The following PRKDC variants were observed in gnomAD, a reference collection of about 807,000 sequenced individuals.
PRKDC encodes the protein protein kinase, DNA-activated, catalytic subunit.
PRKDC carries 82 observed loss-of-function variants against 486.9 expected under a neutral mutation model. That is an observed-to-expected ratio of 0.17 (90% CI 0.14 to 0.20). The LOEUF is 0.20. Among genes scored for constraint, PRKDC ranks in the 10% least tolerant of loss-of-function variants. The pLI is 1.00. For missense variants in PRKDC, 4,504 were observed against 5,038.2 expected, an observed-to-expected ratio of 0.89 and a Z score of 3.21; for synonymous variants, 1,895 against 1,837.0, an observed-to-expected ratio of 1.03 and a Z score of -0.81.
At chr8:47,951,153 G>A (rs930851973) in intron 7 of PRKDC, among the ~76,000 whole-genome samples, 1 of 150,938 alleles carries the variant, frequency 6.6e-6, no homozygotes, top group South Asian at 2.1e-4. Context: ...CAGATCTCTT[G>A]GTTGGAGACC....
Position 47,773,937 on chromosome 8 carries a change from A to G in PRKDC, c.*236T>C, listed in dbSNP as rs1465167415. The G allele has an allele frequency of 2.3e-6, 1 of 436,676 alleles. No homozygotes were observed. Among genetic ancestry groups the G allele is most frequent in the Non-Finnish European group, 4.0e-6 (1 of 247,466 alleles). The allele number at this position is 436,676 out of a possible 1,614,324, so 27.1% of individuals were successfully genotyped here. ...ACTTAATACTTTGGTAAGCCTGGAT[A>G]TCTATCTTTCTATAAACCTCACCTA... On this transcript the variant is annotated 3_prime_UTR_variant, in exon 86 of 86. Coordinates refer to ENST00000314191, the MANE Select transcript of PRKDC (RefSeq NM_006904.7).
intron 77 of PRKDC, among the ~76,000 whole-genome samples, chr8:47,784,792 A>G (rs2086763202): frequency 6.6e-6 from 1 of 152,094 alleles, no homozygotes; most frequent in Non-Finnish European, 1.5e-5. Context: ...TATATTTCTG[A>G]AGAAAAGTTA....
chr8:47,780,706 A>G (rs762440850), intron 80 of PRKDC, among the ~76,000 whole-genome samples: 1 of 152,162 alleles, frequency 6.6e-6, no homozygotes, highest in Non-Finnish European at 1.5e-5. Context: ...TTAGGAGGCC[A>G]ATGGGGGCGG....
chr8:47,875,240 T>A (rs2089066517), intron 40 of PRKDC, among the ~76,000 whole-genome samples: 1 of 152,254 alleles, frequency 6.6e-6, no homozygotes, highest in Admixed American at 6.5e-5. Flanking sequence ...GCTGGCCTAA[T>A]ATTTTTCGTA....
chr8:47,868,431 G>A (rs555537499), intron 40 of PRKDC, among the ~76,000 whole-genome samples: 15 of 151,980 alleles, frequency 9.9e-5, no homozygotes, highest in South Asian at 4.2e-4. Flanking sequence ...AAGGCTGGGC[G>A]TGATAGCATG....
At chr8:47,955,026 T>C (rs2090679116) in intron 4 of PRKDC, among the ~76,000 whole-genome samples, 1 of 151,754 alleles carries the variant, frequency 6.6e-6, no homozygotes, top group Non-Finnish European at 1.5e-5. Context: ...TGGTGGCACA[T>C]GCCTGTAATC....
intron 74 of PRKDC, among the ~76,000 whole-genome samples, chr8:47,791,472 C>T (rs139737406): frequency 0.011 from 1,622 of 152,122 alleles, 7 homozygotes; most frequent in Non-Finnish European, 0.016. Context: ...AATACACCGC[C>T]TCAAAAACAA....
At chr8:47,927,668 G>A in intron 20 of PRKDC, 103 bp downstream of exon 20, 2 of 1,357,676 alleles carry the variant, frequency 1.5e-6, no homozygotes, top group Non-Finnish European at 1.9e-6. Context: ...ACGCCTGTGA[G>A]GAAACGCCTG....
intron 61 of PRKDC, among the ~76,000 whole-genome samples, chr8:47,829,812 C>G (rs1330095335): frequency 1.3e-5 from 2 of 152,128 alleles, no homozygotes; most frequent in African/African-American, 2.4e-5. Flanking sequence ...TCCATATTCA[C>G]GGATTAGAAG....
intron 69 of PRKDC, among the ~76,000 whole-genome samples, chr8:47,803,911 C>G (rs2087161314): frequency 6.8e-6 from 1 of 147,892 alleles, no homozygotes; most frequent in Non-Finnish European, 1.5e-5. Context: ...TGTACTCCAG[C>G]CTGGGCAACA....
Position 47,782,535 on chromosome 8 carries a change from C to T in PRKDC, c.11239G>A (p.Glu3747Lys), listed in dbSNP as rs1339421642. The change falls in exon 79 of 86, where the codon GAA becomes AAA. Residue 3747 changes from glutamate to lysine, a missense_variant. Glu to Lys is a moderately conservative substitution (Grantham distance 56). This residue lies in a region of PRKDC where 706 missense variants were observed against 945.0 expected (regional missense o/e 0.75). Transcript: ENST00000314191. This position sits in a 1 kb window ranked among gnomAD's most constrained non-coding sequence, Gnocchi z 4.9. Reference protein sequence around the residue: ...RIIIRGHDEREHPFLVKGGED... With the variant: ...RIIIRGHDERKHPFLVKGGED... ...CCACCCTTCACCAGGAAAGGGTGTT[C>T]CCTCTCGTCATGGCCACGGATGATG... 1 of 1,575,134 alleles carries T rather than the reference C, an allele frequency of 6.3e-7. No individual in the cohort carries two copies.
chr8:47,849,056 C>G, intron 54 of PRKDC, 98 bp downstream of exon 54: 1 of 1,441,482 alleles, frequency 6.9e-7, no homozygotes, highest in Non-Finnish European at 9.4e-7. Flanking sequence ...ATGTGTATAT[C>G]ATGGAAACCC....
intron 40 of PRKDC, among the ~76,000 whole-genome samples, chr8:47,870,534 G>A (rs1474459511): frequency 1.3e-5 from 2 of 152,210 alleles, no homozygotes; most frequent in African/African-American, 2.4e-5. Context: ...CCCTAAAGCA[G>A]ACATGGCTTC....
intron 40 of PRKDC, among the ~76,000 whole-genome samples, chr8:47,865,548 TAAATCTATAAATTA>T (rs2088789313): frequency 6.6e-6 from 1 of 152,162 alleles, no homozygotes; most frequent in African/African-American, 2.4e-5. Context: ...GTTTTGTCTA[TAAATCTATAAATTA>T]AGAATGCAGA....
chr8:47,807,386 A>G (rs569845174), intron 68 of PRKDC, 60 bp from the exon 69 acceptor site: 60 of 1,335,284 alleles, frequency 4.5e-5, no homozygotes, highest in Non-Finnish European at 5.8e-5. Context: ...GCTGGATAGC[A>G]ATTACAGGCA....
chr8:47,784,462 TTAA>T (rs1281887427), intron 77 of PRKDC, among the ~76,000 whole-genome samples: 1 of 152,172 alleles, frequency 6.6e-6, no homozygotes, highest in African/African-American at 2.4e-5. Context: ...ATAGTCATTA[TTAA>T]TAACAAAGAA....
chr8:47,931,892 T>C (rs2090261622), intron 16 of PRKDC, among the ~76,000 whole-genome samples: 1 of 152,084 alleles, frequency 6.6e-6, no homozygotes, highest in South Asian at 2.1e-4. Context: ...AGCCATGACT[T>C]ATCCTTTTGT....
chr8:47,789,538 C>T (rs959753124), intron 74 of PRKDC, among the ~76,000 whole-genome samples: 1 of 151,950 alleles, frequency 6.6e-6, no homozygotes, highest in Non-Finnish European at 1.5e-5. Flanking sequence ...GGAGGGAATA[C>T]GTCCAAACTC....
chr8:47,822,882 C>A (rs182651384), intron 64 of PRKDC, among the ~76,000 whole-genome samples: 1 of 152,274 alleles, frequency 6.6e-6, no homozygotes, highest in African/African-American at 2.4e-5. Flanking sequence ...TAGCCACTGA[C>A]GGAATGTACA....
Sources: gnomAD v4.1 joint callset for allele counts (sites outside exome capture counted in the v4.1 genomes callset) on GRCh38, gnomAD v4.1.1 for gene constraint, gnomAD v4.1.1 regional missense constraint, Gnocchi (gnomAD v3.1) non-coding constraint, MANE v1.5 for transcripts, NCBI Gene and HGNC (gene_info 2026-07-23, HGNC 2026-07-21) for gene names.